The following CHN2 variants were observed in gnomAD, a reference collection of about 807,000 sequenced individuals.
CHN2 encodes the protein chimerin 2.
CHN2 carries 35 observed loss-of-function variants against 56.3 expected under a neutral mutation model. The observed-to-expected ratio is 0.62, with a 90% confidence interval of 0.47 to 0.82. The LOEUF (loss-of-function observed/expected upper bound fraction) is 0.82. CHN2 is among the 40% of genes least tolerant of loss of function. The probability of loss-of-function intolerance (pLI) is 0.00; values close to 1 mark genes in which losing one functional copy is unlikely to be tolerated. For synonymous variants in CHN2, 210 were observed against 212.8 expected, an observed-to-expected ratio of 0.99 and a Z score of 0.12; for missense variants, 491 against 580.5, an observed-to-expected ratio of 0.85 and a Z score of 1.58.
intron 7 of CHN2, among the ~76,000 whole-genome samples, chr7:29,484,642 G>A (rs552641439): frequency 3.3e-5 from 5 of 152,054 alleles, no homozygotes; most frequent in South Asian, 2.1e-4. Context: ...GTATGATGTC[G>A]TCTTAATTAT....
intron 1 of CHN2, among the ~76,000 whole-genome samples, chr7:29,282,585 A>G (rs1791810966): frequency 6.6e-6 from 1 of 152,222 alleles, no homozygotes; most frequent in African/African-American, 2.4e-5. Context: ...TTTTCTATTA[A>G]AAGCAAATTC....
intron 1 of CHN2, among the ~76,000 whole-genome samples, chr7:29,343,597 C>T (rs1408173144): frequency 6.6e-6 from 1 of 152,150 alleles, no homozygotes; most frequent in Non-Finnish European, 1.5e-5. Flanking sequence ...GCAGCTGCTG[C>T]CTCTGTTAAC....
intron 3 of CHN2, among the ~76,000 whole-genome samples, chr7:29,376,048 T>G (rs1429838914): frequency 6.6e-6 from 1 of 152,228 alleles, no homozygotes; most frequent in Non-Finnish European, 1.5e-5. Flanking sequence ...CCTACTGGCG[T>G]GTGGCCTGTC....
chr7:29,232,870 C>A (rs1020408302), intron 1 of CHN2, among the ~76,000 whole-genome samples: 1 of 152,178 alleles, frequency 6.6e-6, no homozygotes, highest in Non-Finnish European at 1.5e-5. Flanking sequence ...ACAGTGGTGA[C>A]AGTGACTATC....
chr7:29,147,373 G>A (rs1300477262), intron 2 of CHN2: 1 of 164,260 alleles, frequency 6.1e-6, no homozygotes, highest in African/African-American at 2.4e-5. Context: ...TGAGCCCAGG[G>A]AAACCCGCAG....
In CHN2 at chr7:29,489,428, G is replaced by A. The variant is rs151288084; in HGVS notation, c.655-6524G>A. ...TGAACTTCAGAAAATGGAAAAAGCC[G>A]ACCAGTGAATTTTAAGATACGGTAT... On this transcript the variant is annotated intron_variant, in intron 7 of 12. Coordinates refer to ENST00000222792, the MANE Select transcript of CHN2 (RefSeq NM_004067.4). Among the ~76,000 whole-genome samples, 1,059 of 152,204 alleles carry A rather than the reference G, an allele frequency of 7.0e-3. 17 individuals carry two copies. Among genetic ancestry groups the A allele is most frequent in the African/African-American group, 0.024 (1,008 of 41,516 alleles).
intron 3 of CHN2, among the ~76,000 whole-genome samples, chr7:29,374,535 A>G (rs1221646335): frequency 1.3e-5 from 2 of 152,132 alleles, no homozygotes; most frequent in African/African-American, 4.8e-5. Flanking sequence ...GCAAGTATGC[A>G]CCTAGAACAT....
chr7:29,229,332 T>G (rs2128799668), intron 1 of CHN2, among the ~76,000 whole-genome samples: 1 of 152,260 alleles, frequency 6.6e-6, no homozygotes, highest in African/African-American at 2.4e-5. Flanking sequence ...GATTGTAATA[T>G]TATACACTTG....
intron 2 of CHN2, among the ~76,000 whole-genome samples, chr7:29,162,661 CA>C (rs35159645): frequency 0.2 from 11,500 of 58,340 alleles, 812 homozygotes; most frequent in East Asian, 0.37. Context: ...AACTCCATCT[CA>C]AAAAAAAAAA....
chr7:29,412,347 T>TTA (rs1562587000), intron 6 of CHN2, among the ~76,000 whole-genome samples: 2 of 103,406 alleles, frequency 1.9e-5, no homozygotes, highest in Non-Finnish European at 4.3e-5. Context: ...TTTTTTTTTT[T>TTA]TGGGAGACGG....
chr7:29,484,874 A>G (rs903716046), intron 7 of CHN2, among the ~76,000 whole-genome samples: 3 of 152,198 alleles, frequency 2.0e-5, no homozygotes, highest in African/African-American at 7.2e-5. Context: ...TGTCCATGAA[A>G]AAAGGTCTTT....
intron 1 of CHN2, among the ~76,000 whole-genome samples, chr7:29,349,006 G>T (rs1232973641): frequency 6.6e-6 from 1 of 151,950 alleles, no homozygotes; most frequent in Non-Finnish European, 1.5e-5. Context: ...TTTATAACCT[G>T]ATTTGTTAAT....
At chr7:29,305,141 AC>A (rs1794040353) in intron 1 of CHN2, among the ~76,000 whole-genome samples, 1 of 152,178 alleles carries the variant, frequency 6.6e-6, no homozygotes, top group Non-Finnish European at 1.5e-5. Flanking sequence ...GTTTGCCTGC[AC>A]AGAGGATACG....
At chr7:29,284,164 C>T (rs1179790470) in intron 1 of CHN2, among the ~76,000 whole-genome samples, 1 of 151,656 alleles carries the variant, frequency 6.6e-6, no homozygotes. Context: ...GGTGCGATCT[C>T]CCCTCACTAC....
At chr7:29,497,869 G>A (rs1789471597) in intron 8 of CHN2, among the ~76,000 whole-genome samples, 1 of 152,118 alleles carries the variant, frequency 6.6e-6, no homozygotes, top group Admixed American at 6.5e-5. Flanking sequence ...ATTCCAAGAG[G>A]TAGAAAGTTG....
chr7:29,308,492 A>T (rs911518893), intron 1 of CHN2, among the ~76,000 whole-genome samples: 13 of 151,742 alleles, frequency 8.6e-5, no homozygotes, highest in African/African-American at 3.1e-4. Context: ...TTGGGATAGG[A>T]ATTGGGATTC....
chr7:29,180,228 C>T (rs1366713880), intron 2 of CHN2, among the ~76,000 whole-genome samples: 1 of 152,044 alleles, frequency 6.6e-6, no homozygotes, highest in Non-Finnish European at 1.5e-5. Context: ...TGATAACGTA[C>T]CAATAGTGAC....
intron 1 of CHN2, among the ~76,000 whole-genome samples, chr7:29,312,263 C>G (rs1244290032): frequency 6.6e-6 from 1 of 152,120 alleles, no homozygotes. Flanking sequence ...CACCTGTTCT[C>G]TTGAGAAACC....
At chr7:29,181,868 A>G (rs1242220661) in intron 2 of CHN2, among the ~76,000 whole-genome samples, 4 of 149,220 alleles carry the variant, frequency 2.7e-5, no homozygotes, top group African/African-American at 7.7e-5. Context: ...TAAGGGGGGG[A>G]AAAGTACCTA....
Sources: gnomAD v4.1 joint callset for allele counts (sites outside exome capture counted in the v4.1 genomes callset) on GRCh38, gnomAD v4.1.1 for gene constraint, MANE v1.5 for transcripts, NCBI Gene and HGNC (gene_info 2026-07-23, HGNC 2026-07-21) for gene names.